Variants in ATP5F1A observed in about 807,000 individuals in gnomAD.
ATP5F1A encodes the protein ATP synthase F1 subunit alpha, also known as ATP synthase F(1) complex subunit alpha, mitochondrial.
A neutral mutation model predicts 57.4 loss-of-function variants in ATP5F1A; 24 were observed. The observed-to-expected ratio is 0.42, with a 90% confidence interval of 0.30 to 0.59. ATP5F1A has a LOEUF of 0.59. ATP5F1A is among the 20% of genes least tolerant of loss of function. The pLI is 0.19. For missense variants in ATP5F1A, 494 were observed against 707.9 expected (o/e 0.70, Z 3.43); for synonymous variants, 251 against 255.5 (o/e 0.98, Z 0.17).
Position 46,081,673 on chromosome 18 carries a change from C to CAAAAAAA in ATP5F1A, c.*2602_*2608dup, listed in dbSNP as rs1159742250. The CAAAAAAA allele has an allele frequency of 1.3e-5, 1 of 75,454 alleles. No individual in the cohort carries two copies. The highest frequency in any genetic ancestry group is 2.7e-5 in the Non-Finnish European group (1 of 36,812). The allele number at this position is 75,454 out of a possible 1,614,324, so 4.7% of individuals were successfully genotyped here. A position where few individuals can be genotyped will look rare whatever the true frequency, so the allele number is the denominator to read the frequency against. Reference sequence around the variant, plus strand: ...GAGCAAAACTCTCAAAAAAAAAAAACAAAAAAAAAAAAAAAAAAAAAAAAC... The same window carrying CAAAAAAA: ...GAGCAAAACTCTCAAAAAAAAAAAACAAAAAAAAAAAAAAAAAAAAAAAAAAAAAAAC... On this transcript the variant is annotated 3_prime_UTR_variant, in exon 12 of 12. Coordinates refer to ENST00000398752, the MANE Select transcript of ATP5F1A (RefSeq NM_004046.6).
At chr18:46,103,678 G>A (rs1181179604) in intron 1 of ATP5F1A, among the ~76,000 whole-genome samples, 2 of 151,434 alleles carry the variant, frequency 1.3e-5, no homozygotes, top group African/African-American at 4.9e-5. Flanking sequence ...CACTTTGGGA[G>A]GCCGAGGTGG....
chr18:46,084,587 C>T lies in ATP5F1A; in HGVS notation c.1497G>A (p.Leu499=). The part of the protein sequence containing the change: ...YAGVRGYLDK[L]EPSKITKFEN... ...CAAACTTTGTAATCTTGCTGGGCTC[C>T]AGTTTATCAAGATATCCCCTTACAC... is the stretch of plus-strand genomic sequence containing the variant. Residue 499 remains leucine (L), a synonymous_variant, in exon 11 of 12, where the codon CTG becomes CTA. Coordinates refer to ENST00000398752, the MANE Select transcript of ATP5F1A (RefSeq NM_004046.6). 2 of 1,612,810 alleles carry T rather than the reference C, an allele frequency of 1.2e-6. No homozygotes were observed. Among genetic ancestry groups the T allele is most frequent in the Non-Finnish European group, 1.7e-6 (2 of 1,179,756 alleles).
At position 46,083,203 on chromosome 18, in the gene ATP5F1A, A is replaced by T. The variant is rs1909860446; in HGVS notation, c.*1079T>A. ...ACCTGTAATCCCAGCACTTTGGGAG[A>T]CCAAGGCAGGAGGATCACTTGAGCC... On this transcript the variant is annotated 3_prime_UTR_variant, in exon 12 of 12. Coordinates refer to ENST00000398752, the MANE Select transcript of ATP5F1A (RefSeq NM_004046.6). The T allele has an allele frequency of 6.6e-6, 1 of 151,926 alleles. No homozygotes were observed. The highest frequency in any genetic ancestry group is 1.5e-5 in the Non-Finnish European group (1 of 68,020). 9.4% of individuals were successfully genotyped at this position (151,926 alleles called of 1,614,324 possible). A position where few individuals can be genotyped will look rare whatever the true frequency, so the allele number is the denominator to read the frequency against.
Position 46,091,704 on chromosome 18 carries a change from A to G in ATP5F1A, c.287T>C (p.Val96Ala). 1.2e-6 allele frequency: 2 copies of G among 1,606,848 alleles called. No homozygotes were observed. Among genetic ancestry groups the G allele is most frequent in the Non-Finnish European group, 1.7e-6 (2 of 1,177,694 alleles). The change falls in exon 3 of 12, where the codon GTA becomes GCA. Residue 96 changes from valine (V) to alanine (A), a missense_variant. Around this residue, in one of 6 missense-constraint regions of ATP5F1A, gnomAD observed 142 missense variants for 137.5 expected, o/e 1.03. Coordinates refer to ENST00000398752, the MANE Select transcript of ATP5F1A (RefSeq NM_004046.6). ...TACCTTTAAGCCTGAAGAAAACTCT[A>G]CCATTTCTTCTGCTTGAACATTCCT... ...GLRNVQAEEM[V>A]EFSSGLKGMS...
intron 10 of ATP5F1A, 200 bp downstream of exon 10, chr18:46,085,913 G>A (rs544317953): frequency 2.1e-5 from 13 of 630,642 alleles, no homozygotes; most frequent in South Asian, 1.6e-4. Context: ...AGCCTAGGCC[G>A]TAAGAATGAA....
At position 46,081,370 on chromosome 18, in the gene ATP5F1A, G is replaced by A. The variant is rs1909728948; in HGVS notation, c.*2912C>T. 6.6e-6 allele frequency: 1 copy of A among 151,592 alleles called. No individual in the cohort carries two copies. Among genetic ancestry groups the A allele is most frequent in the African/African-American group, 2.4e-5 (1 of 41,228 alleles). 9.4% of individuals were successfully genotyped at this position (151,592 alleles called of 1,614,324 possible). A position where few individuals can be genotyped will look rare whatever the true frequency, so the allele number is the denominator to read the frequency against. ...AAAGTAGTAATCACCACTGACACTAGGTATAAAATGCTCCAACAAGCCGGG... is the reference window on the plus strand; with the variant it reads ...AAAGTAGTAATCACCACTGACACTAAGTATAAAATGCTCCAACAAGCCGGG... On this transcript the variant is annotated 3_prime_UTR_variant, in exon 12 of 12. Transcript: ENST00000398752.
chr18:46,100,266 A>G (rs1198712197), upstream of ATP5F1A, among the ~76,000 whole-genome samples: 16 of 150,948 alleles, frequency 1.1e-4, no homozygotes, highest in Non-Finnish European at 1.8e-4. Flanking sequence ...AAAAAAAAAA[A>G]AAAAAAGAAA....
At chr18:46,099,958 A>G (rs1441233693), upstream of ATP5F1A, among the ~76,000 whole-genome samples, 1 of 152,156 alleles carries the variant, frequency 6.6e-6, no homozygotes, top group Non-Finnish European at 1.5e-5. Context: ...GGGGTACAAA[A>G]AGGCTGTCCA....
At chr18:46,094,733 A>G (rs991143802) in intron 2 of ATP5F1A, 2 of 207,074 alleles carry the variant, frequency 9.7e-6, no homozygotes, top group African/African-American at 4.6e-5. Flanking sequence ...GCCTTTTAGA[A>G]AAGGAAAAAG....
At chr18:46,095,793 T>C (rs908528603) in intron 1 of ATP5F1A, among the ~76,000 whole-genome samples, 1 of 152,076 alleles carries the variant, frequency 6.6e-6, no homozygotes, top group African/African-American at 2.4e-5. Flanking sequence ...ATTTTTGTAC[T>C]TATTTTTTTT....
chr18:46,088,280 T>C, intron 5 of ATP5F1A, 23 bp from the exon 6 acceptor site: 1 of 1,550,002 alleles, frequency 6.5e-7, no homozygotes, highest in Non-Finnish European at 8.7e-7. Context: ...AAAGTAAATA[T>C]AAATCTTCCT....
chr18:46,086,809 G>A (rs1910132551), intron 8 of ATP5F1A, 199 bp downstream of exon 8: 6 of 640,402 alleles, frequency 9.4e-6, no homozygotes, highest in Middle Eastern at 3.6e-4. Context: ...AACGAAACAT[G>A]CTACTCTATG....
upstream of ATP5F1A, among the ~76,000 whole-genome samples, chr18:46,102,237 C>A (rs2144233743): frequency 6.6e-6 from 1 of 151,754 alleles, no homozygotes; most frequent in African/African-American, 2.4e-5. Flanking sequence ...GGACAAAAGA[C>A]ATAAAGATAA....
intron 1 of ATP5F1A, among the ~76,000 whole-genome samples, chr18:46,095,555 G>A (rs1000818456): frequency 5.9e-5 from 9 of 151,936 alleles, no homozygotes; most frequent in Non-Finnish European, 7.4e-5. Flanking sequence ...GACCTCAAGT[G>A]ATCCACCCGC....
rs1568240735 is a variant in ATP5F1A, at chr18:46,081,692, A to AAAAAAAAAAAAAAAAAAAAAAAAAAC, written c.*2589_*2590insGTTTTTTTTTTTTTTTTTTTTTTTTT. ...AAAAAACAAAAAAAAAAAAAAAAAA[A>AAAAAAAAAAAAAAAAAAAAAAAAAAC]AAAAACGAAATGTGCAGAACCTTCT... On this transcript the variant is annotated 3_prime_UTR_variant, in exon 12 of 12. Transcript: ENST00000398752. The AAAAAAAAAAAAAAAAAAAAAAAAAAC allele has an allele frequency of 6.9e-6, 1 of 144,446 alleles. No individual in the cohort carries two copies. Among genetic ancestry groups the AAAAAAAAAAAAAAAAAAAAAAAAAAC allele is most frequent in the Non-Finnish European group, 1.5e-5 (1 of 65,356 alleles). The allele number at this position is 144,446 out of a possible 1,614,324, so 8.9% of individuals were successfully genotyped here.
chr18:46,088,463 A>C, intron 5 of ATP5F1A: 1 of 447,824 alleles, frequency 2.2e-6, no homozygotes, highest in Non-Finnish European at 3.9e-6. Flanking sequence ...GCTCGCAGAA[A>C]CATGTGCTGT....
intron 1 of ATP5F1A, among the ~76,000 whole-genome samples, chr18:46,097,006 A>G (rs2578185): frequency 7.1e-6 from 1 of 141,528 alleles, no homozygotes; most frequent in South Asian, 2.3e-4. Flanking sequence ...AAAAAAAAAA[A>G]CAAGCAAACA....
Position 46,095,174 on chromosome 18 carries a change from CT to C in ATP5F1A, c.61-44del, listed in dbSNP as rs776507828. The C allele has an allele frequency of 8.3e-5, 131 of 1,579,786 alleles. 2 individuals are homozygous for C. The Middle Eastern group carries it at 6.0e-3, about 73-fold the overall frequency. On this transcript the variant is annotated intron_variant, in intron 1 of 11. Coordinates refer to ENST00000398752, the MANE Select transcript of ATP5F1A (RefSeq NM_004046.6). Reference sequence around the variant, plus strand: ...TTAAAAATTTGATTTTTAACAAAGCCTTTATAAAACTTACAAGCTTAAACAA... The same window carrying C: ...TTAAAAATTTGATTTTTAACAAAGCCTTATAAAACTTACAAGCTTAAACAA...
In ATP5F1A at chr18:46,081,727, T is replaced by C. The variant is rs914994902; in HGVS notation, c.*2555A>G. Reference sequence around the variant, plus strand: ...ATGTGCAGAACCTTCTAACTAAAAGTAACTTCCTTATTTCAGAAAAGGAAA... The same window carrying C: ...ATGTGCAGAACCTTCTAACTAAAAGCAACTTCCTTATTTCAGAAAAGGAAA... On this transcript the variant is annotated 3_prime_UTR_variant, in exon 12 of 12. Coordinates refer to ENST00000398752, the MANE Select transcript of ATP5F1A (RefSeq NM_004046.6). 4.3e-4 allele frequency: 59 copies of C among 136,534 alleles called. No homozygotes were observed. The highest frequency in any genetic ancestry group is 1.6e-3 in the African/African-American group (58 of 37,398). The allele number at this position is 136,534 out of a possible 1,614,324, so 8.5% of individuals were successfully genotyped here.
Sources: allele counts gnomAD v4.1 joint callset (sites outside exome capture counted in the v4.1 genomes callset), GRCh38; gene constraint gnomAD v4.1.1; regional missense constraint gnomAD v4.1.1; transcripts MANE v1.5; gene names NCBI Gene and HGNC (gene_info 2026-07-23, HGNC 2026-07-21).